ARL15: variants seen among roughly 807,000 people sequenced by gnomAD.
The protein encoded by ARL15 is ARF like GTPase 15, also known as ADP-ribosylation factor-like protein 15.
A neutral mutation model predicts 25.2 loss-of-function variants in ARL15; 19 were observed. The ratio of observed to expected loss-of-function variants is 0.75; its 90% CI spans 0.53 to 1.10. The LOEUF is 1.10. ARL15 is among the 50% of genes least tolerant of loss of function. ARL15 has a pLI of 0.00. For synonymous variants in ARL15, 94 were observed against 86.8 expected (o/e 1.08, Z -0.46); for missense variants, 220 against 246.0 (o/e 0.89, Z 0.71).
chr5:54,161,986 T>TAC (rs1166499652), intron 2 of ARL15, among the ~76,000 whole-genome samples: 3 of 94,274 alleles, frequency 3.2e-5, no homozygotes, highest in Non-Finnish European at 6.1e-5. Context: ...CTTCTTTACT[T>TAC]ACACACACAC....
At chr5:54,167,852 T>C (rs1197766880) in intron 2 of ARL15, among the ~76,000 whole-genome samples, 4 of 152,068 alleles carry the variant, frequency 2.6e-5, no homozygotes, top group Non-Finnish European at 2.9e-5. Flanking sequence ...TCCCCTCAAT[T>C]CTCAGGTTGG....
intron 3 of ARL15, among the ~76,000 whole-genome samples, chr5:54,141,794 G>T (rs1753789666): frequency 6.6e-6 from 1 of 152,078 alleles, no homozygotes; most frequent in Admixed American, 6.5e-5. Context: ...TATATAAATA[G>T]AATACAAATT....
intron 1 of ARL15, among the ~76,000 whole-genome samples, chr5:54,222,266 T>C (rs747808117): frequency 6.6e-6 from 1 of 152,230 alleles, no homozygotes; most frequent in Non-Finnish European, 1.5e-5. Flanking sequence ...TGATACTGAT[T>C]ATTTTCCCCA....
chr5:54,203,785 G>C (rs1239971995), intron 1 of ARL15, among the ~76,000 whole-genome samples: 1 of 152,124 alleles, frequency 6.6e-6, no homozygotes, highest in African/African-American at 2.4e-5. Flanking sequence ...AATCCAAAGT[G>C]AACTGAGGAA....
intron 4 of ARL15, among the ~76,000 whole-genome samples, chr5:54,092,127 A>C (rs1352810136): frequency 1.3e-5 from 2 of 151,776 alleles, no homozygotes; most frequent in African/African-American, 4.8e-5. Flanking sequence ...TTCGTTCCGG[A>C]ATGTTTAGGT....
At chr5:54,254,072 T>C (rs186303711) in intron 1 of ARL15, among the ~76,000 whole-genome samples, 15 of 152,360 alleles carry the variant, frequency 9.8e-5, no homozygotes, top group African/African-American at 3.6e-4. Context: ...AACTGGACTC[T>C]ATTCTGCATA....
At chr5:54,245,777 G>A (rs768112085) in intron 1 of ARL15, among the ~76,000 whole-genome samples, 2 of 151,972 alleles carry the variant, frequency 1.3e-5, no homozygotes, top group African/African-American at 2.4e-5. Context: ...TAGTAGAGCC[G>A]AGGGTTCACC....
intron 4 of ARL15, among the ~76,000 whole-genome samples, chr5:53,920,523 C>T (rs1561149891): frequency 6.6e-6 from 1 of 151,812 alleles, no homozygotes; most frequent in Non-Finnish European, 1.5e-5. Flanking sequence ...AAAGTATCTG[C>T]CAGCAGGTGC....
chr5:54,157,674 G>A lies in ARL15; in HGVS notation c.194-3035C>T, dbSNP rs141308067. Among the ~76,000 whole-genome samples, 265 of 152,210 alleles carry A rather than the reference G, an allele frequency of 1.7e-3. 1 individual carries two copies. Among genetic ancestry groups the A allele is most frequent in the Middle Eastern group, 3.4e-3 (1 of 294 alleles). ...GATCTACCCGCCTCGGCCTCCCAAAGTGCTGGGATTACAGGCACGAGCCTC... is the reference window on the plus strand; with the variant it reads ...GATCTACCCGCCTCGGCCTCCCAAAATGCTGGGATTACAGGCACGAGCCTC... On this transcript the variant is annotated intron_variant, in intron 2 of 4. Coordinates refer to ENST00000504924, the MANE Select transcript of ARL15 (RefSeq NM_019087.3).
intron 4 of ARL15, among the ~76,000 whole-genome samples, chr5:54,037,945 TTATC>T (rs1173065847): frequency 2.0e-5 from 3 of 152,108 alleles, no homozygotes; most frequent in African/African-American, 4.8e-5. Context: ...CAGTATTAGA[TTATC>T]TATCCGAATC....
intron 4 of ARL15, among the ~76,000 whole-genome samples, chr5:54,064,152 A>AG (rs145245945): frequency 0.021 from 3,199 of 152,252 alleles, 107 homozygotes; most frequent in African/African-American, 0.072. Context: ...GTAACAACCA[A>AG]GCACTATTCC....
chr5:53,924,205 G>A (rs545987985), intron 4 of ARL15, among the ~76,000 whole-genome samples: 3 of 152,144 alleles, frequency 2.0e-5, no homozygotes, highest in South Asian at 4.1e-4. Flanking sequence ...AGCAGCTTTT[G>A]GAAAGTTGCC....
At chr5:54,148,837 T>A (rs1236220868) in intron 3 of ARL15, among the ~76,000 whole-genome samples, 2 of 152,198 alleles carry the variant, frequency 1.3e-5, no homozygotes, top group Non-Finnish European at 2.9e-5. Flanking sequence ...GATGTCTGGG[T>A]CCTTATCAAT....
At chr5:53,960,356 A>T (rs1270689151) in intron 4 of ARL15, among the ~76,000 whole-genome samples, 1 of 152,212 alleles carries the variant, frequency 6.6e-6, no homozygotes, top group African/African-American at 2.4e-5. Context: ...TCTTATTGTG[A>T]CCCTTGATGA....
intron 4 of ARL15, among the ~76,000 whole-genome samples, chr5:54,108,425 C>G (rs1028265104): frequency 2.0e-5 from 3 of 152,108 alleles, no homozygotes; most frequent in African/African-American, 7.2e-5. Context: ...AAAATGCTGC[C>G]AAGAGGCAGG....
intron 4 of ARL15, among the ~76,000 whole-genome samples, chr5:54,046,718 G>T (rs1352635490): frequency 6.6e-6 from 1 of 152,160 alleles, no homozygotes; most frequent in East Asian, 1.9e-4. Flanking sequence ...CAATGGAATT[G>T]ACTTTATTGA....
intron 4 of ARL15, chr5:53,951,376 C>T (rs1199924596): frequency 1.3e-5 from 5 of 389,166 alleles, no homozygotes; most frequent in Non-Finnish European, 2.6e-5. Flanking sequence ...TTGTAGAATA[C>T]AAAAATCATA....
At chr5:53,933,413 G>A (rs572013106) in intron 4 of ARL15, among the ~76,000 whole-genome samples, 5 of 152,048 alleles carry the variant, frequency 3.3e-5, no homozygotes, top group East Asian at 1.9e-4. Context: ...CTGGGAGGTC[G>A]AGGTGGGCGA....
chr5:54,133,824 A>C (rs1395667349), intron 3 of ARL15, among the ~76,000 whole-genome samples: 1 of 152,198 alleles, frequency 6.6e-6, no homozygotes, highest in Non-Finnish European at 1.5e-5. Context: ...AAGACAGTTA[A>C]AGGAGGATAA....
Sources: gnomAD v4.1 joint callset for allele counts (sites outside exome capture counted in the v4.1 genomes callset) on GRCh38, gnomAD v4.1.1 for gene constraint, MANE v1.5 for transcripts, NCBI Gene and HGNC (gene_info 2026-07-23, HGNC 2026-07-21) for gene names.